Variants in CCDC7 observed in about 807,000 individuals in gnomAD.
The protein encoded by CCDC7 is coiled-coil domain-containing protein 7.
CCDC7 carries 183 observed loss-of-function variants against 196.9 expected under a neutral mutation model. The observed-to-expected ratio is 0.93, with a 90% CI of 0.82 to 1.05. The LOEUF is 1.05. Among genes scored for constraint, CCDC7 ranks in the 50% least tolerant of loss-of-function variants. The probability of loss-of-function intolerance (pLI) is 0.00; values close to 1 mark genes in which losing one functional copy is unlikely to be tolerated. For missense variants in CCDC7, 1,540 were observed against 1,482.2 expected, an observed-to-expected ratio of 1.04 and a Z score of -0.64; for synonymous variants, 525 against 484.6, an observed-to-expected ratio of 1.08 and a Z score of -1.10.
chr10:32,483,926 G>A (rs2040476054), intron 8 of CCDC7, among the ~76,000 whole-genome samples: 1 of 152,186 alleles, frequency 6.6e-6, no homozygotes, highest in Admixed American at 6.5e-5. Context: ...AAGTCAGGTA[G>A]CGTGATGCCT....
chr10:32,739,581 C>T (rs1239560613), intron 28 of CCDC7, among the ~76,000 whole-genome samples: 3 of 150,856 alleles, frequency 2.0e-5, no homozygotes, highest in Non-Finnish European at 4.4e-5. Context: ...TTTTAAATTT[C>T]TGGTATGATA....
exon 25 of CCDC7, chr10:32,711,693 A>G: frequency 6.3e-7 from 1 of 1,591,060 alleles, no homozygotes; most frequent in African/African-American, 1.4e-5. Context: ...AAGTGCAATT[A>G]GAGATTCAAG....
At chr10:32,682,790 C>A (rs1175875888) in intron 21 of CCDC7, among the ~76,000 whole-genome samples, 5 of 152,134 alleles carry the variant, frequency 3.3e-5, no homozygotes, top group Non-Finnish European at 4.4e-5. Context: ...GCATGTATAT[C>A]TTCTTTTGAT....
intron 18 of CCDC7, among the ~76,000 whole-genome samples, chr10:32,621,574 A>G (rs1378074977): frequency 6.6e-6 from 1 of 152,156 alleles, no homozygotes; most frequent in East Asian, 1.9e-4. Context: ...CCATCTGGGA[A>G]AGGCCATAGT....
chr10:32,805,242 A>G (rs1240437518), intron 30 of CCDC7, 144 bp downstream of exon 31: 1 of 609,762 alleles, frequency 1.6e-6, no homozygotes, highest in East Asian at 2.8e-5. Flanking sequence ...ATTTGGTTTT[A>G]CTCTAGAACA....
intron 21 of CCDC7, among the ~76,000 whole-genome samples, chr10:32,678,363 T>C (rs2075349861): frequency 6.6e-6 from 1 of 152,166 alleles, no homozygotes; most frequent in Non-Finnish European, 1.5e-5. Context: ...TAAAGAAGCA[T>C]CTTTACATGC....
chr10:32,645,285 G>GT (rs1352254386), intron 20 of CCDC7, among the ~76,000 whole-genome samples: 1 of 152,064 alleles, frequency 6.6e-6, no homozygotes, highest in African/African-American at 2.4e-5. Flanking sequence ...AAATCAGTAT[G>GT]TTTTTTGTCC....
At chr10:32,677,959 T>C (rs181387632) in intron 21 of CCDC7, among the ~76,000 whole-genome samples, 147 of 152,210 alleles carry the variant, frequency 9.7e-4, no homozygotes, top group African/African-American at 3.4e-3. Context: ...AGTTTGTTGC[T>C]TTGCTATTTT....
intron 20 of CCDC7, among the ~76,000 whole-genome samples, chr10:32,651,562 C>T (rs573280404): frequency 3.3e-5 from 5 of 152,126 alleles, no homozygotes; most frequent in East Asian, 1.9e-4. Context: ...AACTGGAGAG[C>T]GGTTTCTGGA....
chr10:32,482,776 G>T (rs1467974963), intron 8 of CCDC7, among the ~76,000 whole-genome samples: 2 of 151,908 alleles, frequency 1.3e-5, no homozygotes, highest in Admixed American at 6.6e-5. Flanking sequence ...GCGATAGTTT[G>T]CTGAGAATGA....
At chr10:32,771,784 C>T (rs2079203197) in intron 28 of CCDC7, among the ~76,000 whole-genome samples, 1 of 152,196 alleles carries the variant, frequency 6.6e-6, no homozygotes, top group Non-Finnish European at 1.5e-5. Flanking sequence ...ACTGGTCCCA[C>T]AGGCAGACTA....
chr10:32,479,935 G>T (rs1019523224), intron 8 of CCDC7, among the ~76,000 whole-genome samples: 2 of 151,362 alleles, frequency 1.3e-5, no homozygotes, highest in Non-Finnish European at 2.9e-5. Flanking sequence ...TTTAGTCTTG[G>T]TGGGTTGTAT....
Position 32,654,907 on chromosome 10 carries a change from G to T in CCDC7, c.2015-9147G>T, listed in dbSNP as rs147981171. 2.8e-3 allele frequency among the ~76,000 whole-genome samples: 422 copies of T among 152,184 alleles called. 3 individuals are homozygous for T. The highest frequency in any genetic ancestry group is 4.8e-3 in the Non-Finnish European group (329 of 68,006). On this transcript the variant is annotated intron_variant, in intron 20 of 41. Coordinates refer to ENST00000639629, the Ensembl canonical transcript of CCDC7. ...CTAATTTCCCAATTTTTCTTTTTGA[G>T]ATTTTGATGGTCAGCCCCAACCTGG... is the stretch of plus-strand genomic sequence containing the variant.
chr10:32,484,979 C>T (rs1444977520), intron 8 of CCDC7, among the ~76,000 whole-genome samples: 3 of 152,138 alleles, frequency 2.0e-5, no homozygotes, highest in Admixed American at 1.3e-4. Context: ...TGTGTCTCTG[C>T]CAGGCTTTGG....
At chr10:32,667,549 G>A (rs1250869991) in intron 21 of CCDC7, among the ~76,000 whole-genome samples, 3 of 152,140 alleles carry the variant, frequency 2.0e-5, no homozygotes, top group Non-Finnish European at 2.9e-5. Context: ...TTTTGTATAA[G>A]GTGTAAGGAA....
At chr10:32,865,888 G>A (rs893247400) in intron 41 of CCDC7, among the ~76,000 whole-genome samples, 1 of 151,780 alleles carries the variant, frequency 6.6e-6, no homozygotes, top group Admixed American at 6.6e-5. Context: ...GAAAAGGTAA[G>A]TTTAAATATG....
chr10:32,680,047 G>A (rs1315358052), intron 21 of CCDC7, among the ~76,000 whole-genome samples: 1 of 152,162 alleles, frequency 6.6e-6, no homozygotes, highest in Non-Finnish European at 1.5e-5. Context: ...AAAATCAATT[G>A]AAAATCTTTT....
upstream of CCDC7, among the ~76,000 whole-genome samples, chr10:32,443,817 A>G (rs775885515): frequency 6.6e-6 from 1 of 152,084 alleles, no homozygotes; most frequent in Non-Finnish European, 1.5e-5. Flanking sequence ...TATTTTCCCA[A>G]TTTCTAGAAA....
intron 8 of CCDC7, among the ~76,000 whole-genome samples, chr10:32,482,708 C>T (rs188772816): frequency 6.7e-6 from 1 of 150,202 alleles, no homozygotes; most frequent in Non-Finnish European, 1.5e-5. Flanking sequence ...TCCATGTGTT[C>T]TCATTGTTCA....
Sources: gnomAD v4.1 joint callset for allele counts (sites outside exome capture counted in the v4.1 genomes callset) on GRCh38, gnomAD v4.1.1 for gene constraint, MANE v1.5 for transcripts, NCBI Gene and HGNC (gene_info 2026-07-23, HGNC 2026-07-21) for gene names.